The following MACF1 variants were observed in gnomAD, a reference collection of about 807,000 sequenced individuals.
MACF1 encodes microtubule-actin cross-linking factor 1.
Under a neutral mutation model 854.8 loss-of-function variants are expected in MACF1, and 193 were observed. That is an observed-to-expected ratio of 0.23 (90% confidence interval 0.20 to 0.25). The LOEUF (loss-of-function observed/expected upper bound fraction) is 0.25, where lower values mean the gene tolerates loss of function less well. Among genes scored for constraint, MACF1 ranks in the 10% least tolerant of loss-of-function variants. MACF1 has a pLI of 1.00. For synonymous variants in MACF1, 3,185 were observed against 3,226.7 expected (o/e 0.99, Z 0.44); for missense variants, 7,722 against 8,929.1 (o/e 0.86, Z 5.45).
intron 1 of MACF1, among the ~76,000 whole-genome samples, chr1:39,227,332 C>T (rs1051055787): frequency 4.6e-5 from 7 of 151,980 alleles, no homozygotes; most frequent in South Asian, 2.1e-4. Flanking sequence ...GAACGCTCTC[C>T]GGTGGTTTTA....
chr1:39,414,564 G>A (rs922285721), intron 58 of MACF1: 1 of 1,564,140 alleles, frequency 6.4e-7, no homozygotes, highest in Non-Finnish European at 8.7e-7. Context: ...AAATGGCACA[G>A]ATAGTTCTTT....
In MACF1 at chr1:39,332,192, A is replaced by G; in HGVS notation, c.5604A>G (p.Gln1868=). The G allele has an allele frequency of 6.2e-7, 1 of 1,614,100 alleles. No homozygotes were observed. The highest frequency in any genetic ancestry group is 8.5e-7 in the Non-Finnish European group (1 of 1,180,026). Residue 1868 remains glutamine, a synonymous_variant, in exon 37 of 101, where the codon CAA becomes CAG. Transcript: ENST00000564288. ...TCCCAATTACAGATGCCCTAGAACA[A>G]GGTATTGTGTCTACTGAACTAGCAC... The part of the protein sequence containing the change: ...EILPITDALE[Q]GIVSTELAHK...
At chr1:39,419,944 A>G (rs1474524201) in intron 58 of MACF1, among the ~76,000 whole-genome samples, 1 of 152,202 alleles carries the variant, frequency 6.6e-6, no homozygotes, top group Non-Finnish European at 1.5e-5. Context: ...CCAGGATTAC[A>G]GGCATGAGCC....
chr1:39,343,039 T>C (rs1342146931), intron 40 of MACF1, among the ~76,000 whole-genome samples: 1 of 152,204 alleles, frequency 6.6e-6, no homozygotes, highest in Non-Finnish European at 1.5e-5. Flanking sequence ...CCCCCTGCTC[T>C]AGAGAGTTGC....
intron 2 of MACF1, among the ~76,000 whole-genome samples, chr1:39,162,426 A>AT (rs1009335137): frequency 1.3e-5 from 2 of 151,970 alleles, no homozygotes; most frequent in African/African-American, 4.8e-5. Flanking sequence ...GAATCCCATT[A>AT]TTTTTTTCTC....
chr1:39,330,731 A>G (rs963709054), intron 36 of MACF1, among the ~76,000 whole-genome samples: 1 of 151,854 alleles, frequency 6.6e-6, no homozygotes, highest in Non-Finnish European at 1.5e-5. Context: ...TTGCTTCAGA[A>G]TATTTCCTAC....
intron 49 of MACF1, among the ~76,000 whole-genome samples, chr1:39,365,632 T>C (rs1648636270): frequency 6.6e-6 from 1 of 152,176 alleles, no homozygotes. Flanking sequence ...CTTCATCATA[T>C]ACACAATTTT....
chr1:39,142,597 A>G (rs1184339110), intron 2 of MACF1, among the ~76,000 whole-genome samples: 1 of 152,222 alleles, frequency 6.6e-6, no homozygotes, highest in Non-Finnish European at 1.5e-5. Flanking sequence ...AATGCTTGGT[A>G]TTCTACAGAA....
intron 2 of MACF1, among the ~76,000 whole-genome samples, chr1:39,174,627 A>T (rs1214995387): frequency 6.6e-6 from 1 of 152,140 alleles, no homozygotes; most frequent in African/African-American, 2.4e-5. Context: ...TCAACAAGGG[A>T]ATCAATTTCA....
intron 2 of MACF1, among the ~76,000 whole-genome samples, chr1:39,093,162 C>A (rs190648421): frequency 6.6e-6 from 1 of 152,168 alleles, no homozygotes; most frequent in Non-Finnish European, 1.5e-5. Flanking sequence ...GGGGACTTCT[C>A]CCCGCCAGCA....
At chr1:39,440,910 C>A (rs1644101885) in intron 72 of MACF1, 93 bp from the exon 73 acceptor site, 2 of 1,261,174 alleles carry the variant, frequency 1.6e-6, no homozygotes, top group Non-Finnish European at 2.3e-6. Context: ...TGTTGAGCAT[C>A]TGCTATTGAT....
chr1:39,460,965 A>G lies in MACF1; in HGVS notation c.21523+171A>G, dbSNP rs1034324821. Among the ~76,000 whole-genome samples the G allele has an allele frequency of 5.9e-5, 9 of 151,998 alleles. No individual in the cohort carries two copies. Among genetic ancestry groups the G allele is most frequent in the African/African-American group, 2.2e-4 (9 of 41,456 alleles). On this transcript the variant is annotated intron_variant, in intron 92 of 100. Transcript: ENST00000564288. This position sits in a 1 kb window ranked among gnomAD's most constrained non-coding sequence, Gnocchi z 4.1. ...GGCAAAGGCATGGTGGCACACTTGC[A>G]GTCCTAGCTACTTGGGAGGCTGAGG...
chr1:39,437,682 C>T (rs1174862178), intron 70 of MACF1, 95 bp from the exon 71 acceptor site: 1 of 990,294 alleles, frequency 1.0e-6, no homozygotes, highest in South Asian at 1.3e-5. Flanking sequence ...TTATCCTAAA[C>T]AGTAGTAGGA....
intron 58 of MACF1, among the ~76,000 whole-genome samples, chr1:39,406,342 A>G (rs1206731374): frequency 6.6e-6 from 1 of 152,190 alleles, no homozygotes; most frequent in East Asian, 1.9e-4. Context: ...GTAGATAGAC[A>G]TGGGAGGGAA....
chr1:39,128,684 G>A (rs1228409333), intron 2 of MACF1, among the ~76,000 whole-genome samples: 2 of 151,674 alleles, frequency 1.3e-5, no homozygotes, highest in Non-Finnish European at 2.9e-5. Flanking sequence ...GGGTGACAGG[G>A]TGAGACTCCG....
intron 2 of MACF1, chr1:39,103,620 TCC>T (rs1642149880): frequency 6.6e-6 from 1 of 152,338 alleles, no homozygotes; most frequent in Non-Finnish European, 1.5e-5. Flanking sequence ...TCAAACTTAT[TCC>T]CCTTCTTTTT....
At chr1:39,320,274 G>A (rs923575010) in intron 31 of MACF1, among the ~76,000 whole-genome samples, 12 of 152,224 alleles carry the variant, frequency 7.9e-5, no homozygotes, top group South Asian at 6.2e-4. Flanking sequence ...CTCTGAGCTG[G>A]TCTCTTGCTT....
At chr1:39,355,670 T>A (rs892964786) in intron 44 of MACF1, among the ~76,000 whole-genome samples, 1 of 152,118 alleles carries the variant, frequency 6.6e-6, no homozygotes, top group Non-Finnish European at 1.5e-5. Context: ...TTCACCATGT[T>A]GGCCAGCATG....
intron 49 of MACF1, among the ~76,000 whole-genome samples, chr1:39,364,373 G>GTTT (rs35455035): frequency 9.0e-5 from 13 of 145,208 alleles, no homozygotes; most frequent in Non-Finnish European, 1.1e-4. Context: ...AATTTTTAAA[G>GTTT]TTTTTTTTTT....
Sources: gnomAD v4.1 joint callset for allele counts (sites outside exome capture counted in the v4.1 genomes callset) on GRCh38, gnomAD v4.1.1 for gene constraint, Gnocchi (gnomAD v3.1) non-coding constraint, MANE v1.5 for transcripts, NCBI Gene and HGNC (gene_info 2026-07-23, HGNC 2026-07-21) for gene names.